Variants in GUCY1A2 observed in about 807,000 individuals in gnomAD.
GUCY1A2 encodes guanylate cyclase soluble subunit alpha-2.
A neutral mutation model predicts 63.5 loss-of-function variants in GUCY1A2; 27 were observed. The observed-to-expected ratio is 0.43, with a 90% CI of 0.31 to 0.59. The LOEUF (loss-of-function observed/expected upper bound fraction) is 0.59, where lower values mean the gene tolerates loss of function less well. Ranked by LOEUF, GUCY1A2 falls within the 20% of genes least tolerant of loss-of-function variation. The pLI, the probability that GUCY1A2 is intolerant of heterozygous loss-of-function variation, is 0.11. For missense variants in GUCY1A2, 768 were observed against 913.3 expected, an observed-to-expected ratio of 0.84 and a Z score of 2.05; for synonymous variants, 364 against 343.5, an observed-to-expected ratio of 1.06 and a Z score of -0.66.
intron 7 of GUCY1A2, among the ~76,000 whole-genome samples, chr11:106,696,392 CT>C (rs1203329497): frequency 6.6e-6 from 1 of 152,192 alleles, no homozygotes; most frequent in Non-Finnish European, 1.5e-5. Flanking sequence ...ACATTTTTCA[CT>C]TCTCTGACCA....
intron 6 of GUCY1A2, among the ~76,000 whole-genome samples, chr11:106,741,275 A>G (rs1313934926): frequency 6.6e-6 from 1 of 152,204 alleles, no homozygotes; most frequent in Non-Finnish European, 1.5e-5. Flanking sequence ...CAAGTCTGGT[A>G]TGTAGTTTTT....
chr11:106,946,445 C>A (rs142650722), intron 3 of GUCY1A2, among the ~76,000 whole-genome samples: 1 of 151,788 alleles, frequency 6.6e-6, no homozygotes, highest in East Asian at 1.9e-4. Flanking sequence ...ATAAATCATC[C>A]CATTAAATGA....
intron 4 of GUCY1A2, among the ~76,000 whole-genome samples, chr11:106,906,148 A>C (rs1565327264): frequency 1.3e-5 from 2 of 152,208 alleles, no homozygotes; most frequent in South Asian, 4.1e-4. Flanking sequence ...TCATCAGAGT[A>C]AACAGGAAAC....
chr11:107,010,875 G>A (rs750936515), intron 1 of GUCY1A2, among the ~76,000 whole-genome samples: 2 of 151,642 alleles, frequency 1.3e-5, no homozygotes, highest in African/African-American at 4.9e-5. Flanking sequence ...GATTACAGGC[G>A]CCCACCACCA....
At chr11:106,819,026 G>A (rs1253614141) in intron 4 of GUCY1A2, among the ~76,000 whole-genome samples, 2 of 152,132 alleles carry the variant, frequency 1.3e-5, no homozygotes, top group African/African-American at 2.4e-5. Flanking sequence ...TCAACCCTCG[G>A]TGATGACTTG....
chr11:106,844,695 A>G (rs576265204), intron 4 of GUCY1A2, among the ~76,000 whole-genome samples: 17 of 151,752 alleles, frequency 1.1e-4, no homozygotes, highest in Non-Finnish European at 2.2e-4. Flanking sequence ...GCTCTTTTTC[A>G]ATATCATTGC....
At chr11:106,956,966 C>CCGAG (rs1417922881) in intron 3 of GUCY1A2, among the ~76,000 whole-genome samples, 1 of 152,142 alleles carries the variant, frequency 6.6e-6, no homozygotes, top group Non-Finnish European at 1.5e-5. Flanking sequence ...AATTCTGTCC[C>CCGAG]CGAGCCTCTA....
chr11:106,803,808 C>A (rs1379002909), intron 5 of GUCY1A2, among the ~76,000 whole-genome samples: 1 of 152,202 alleles, frequency 6.6e-6, no homozygotes, highest in Non-Finnish European at 1.5e-5. Flanking sequence ...CACTGGGATT[C>A]CACAGCCTTG....
intron 3 of GUCY1A2, among the ~76,000 whole-genome samples, chr11:106,976,323 C>CA (rs1221853145): frequency 6.6e-6 from 1 of 152,088 alleles, no homozygotes; most frequent in Non-Finnish European, 1.5e-5. Flanking sequence ...TGCCACCCCC[C>CA]AACAACCTCC....
chr11:106,768,145 T>C (rs571144312), intron 6 of GUCY1A2, among the ~76,000 whole-genome samples: 1 of 152,192 alleles, frequency 6.6e-6, no homozygotes, highest in South Asian at 2.1e-4. Flanking sequence ...ATTTAATCAA[T>C]GTCAATCTCT....
intron 4 of GUCY1A2, among the ~76,000 whole-genome samples, chr11:106,857,926 C>A (rs1476375136): frequency 6.6e-6 from 1 of 152,054 alleles, no homozygotes; most frequent in Admixed American, 6.6e-5. Context: ...TGGTATCTGT[C>A]AGGGATCCTG....
chr11:107,008,376 G>A (rs891667308), intron 1 of GUCY1A2, among the ~76,000 whole-genome samples: 1 of 151,808 alleles, frequency 6.6e-6, no homozygotes, highest in African/African-American at 2.4e-5. Flanking sequence ...TAAAATGTCA[G>A]GTAGGAGAAT....
chr11:106,943,718 AG>A (rs1397291390), intron 3 of GUCY1A2, among the ~76,000 whole-genome samples: 1 of 152,198 alleles, frequency 6.6e-6, no homozygotes, highest in Non-Finnish European at 1.5e-5. Flanking sequence ...TAACCTTTTA[AG>A]GTTGCACTTG....
intron 1 of GUCY1A2, among the ~76,000 whole-genome samples, chr11:106,989,136 C>T (rs777651340): frequency 7.2e-5 from 11 of 152,184 alleles, no homozygotes; most frequent in Non-Finnish European, 1.3e-4. Context: ...CCATAACTGG[C>T]TCCTACTTAA....
intron 5 of GUCY1A2, among the ~76,000 whole-genome samples, chr11:106,778,509 G>A (rs117803336): frequency 0.05 from 7,652 of 152,002 alleles, 183 homozygotes; most frequent in East Asian, 0.091. Context: ...AGTACAAAAA[G>A]AATTAGCCGG....
Position 106,678,838 on chromosome 11 carries a change from C to G in GUCY1A2, c.*8711G>C, listed in dbSNP as rs779005892. The G allele has an allele frequency of 6.8e-5, 13 of 190,482 alleles. No individual in the cohort carries two copies. The highest frequency in any genetic ancestry group is 1.2e-4 in the Non-Finnish European group (11 of 90,906). 11.8% of individuals were successfully genotyped at this position (190,482 alleles called of 1,614,324 possible). A position where few individuals can be genotyped will look rare whatever the true frequency, so the allele number is the denominator to read the frequency against. ...AAGTAAAATAATATTGCCAAATTTG[C>G]AAACCCTGGCTCAATGCCACAATTT... On this transcript the variant is annotated 3_prime_UTR_variant, in exon 8 of 8. Coordinates refer to ENST00000526355, the MANE Select transcript of GUCY1A2 (RefSeq NM_000855.3).
chr11:106,689,553 G>C (rs888011149), intron 7 of GUCY1A2, among the ~76,000 whole-genome samples: 1 of 151,978 alleles, frequency 6.6e-6, no homozygotes, highest in African/African-American at 2.4e-5. Context: ...AGTGAGCAGA[G>C]GACATGAACA....
intron 4 of GUCY1A2, among the ~76,000 whole-genome samples, chr11:106,810,867 T>C (rs1235699753): frequency 1.3e-5 from 2 of 152,114 alleles, no homozygotes; most frequent in African/African-American, 4.8e-5. Flanking sequence ...AAAATAACTA[T>C]ATTTAACTGT....
In GUCY1A2 at chr11:107,008,278, C is replaced by CAAA. The variant is rs60060457; in HGVS notation, c.303+9472_303+9474dup. ...TGGGCGACAGAGCAAGACTCCATCTCAAAAAAAAAAAAAAAAAAAAAGATA... is the reference window on the plus strand; with the variant it reads ...TGGGCGACAGAGCAAGACTCCATCTCAAAAAAAAAAAAAAAAAAAAAAAAGATA... On this transcript the variant is annotated intron_variant, in intron 1 of 7. Transcript: ENST00000526355. 3.8e-3 allele frequency among the ~76,000 whole-genome samples: 360 copies of CAAA among 95,062 alleles called. 1 individual carries two copies. The East Asian group carries it at 0.043, about 11-fold the overall frequency. The allele number at this position is 95,062 out of a possible 152,430, so 62.4% of individuals were successfully genotyped here. A position where few individuals can be genotyped will look rare whatever the true frequency, so the allele number is the denominator to read the frequency against.
Sources: allele counts gnomAD v4.1 joint callset (sites outside exome capture counted in the v4.1 genomes callset), GRCh38; gene constraint gnomAD v4.1.1; transcripts MANE v1.5; gene names NCBI Gene and HGNC (gene_info 2026-07-23, HGNC 2026-07-21).